TBL1X: variants seen among roughly 807,000 people sequenced by gnomAD.
The protein encoded by TBL1X is F-box-like/WD repeat-containing protein TBL1X.
A neutral mutation model predicts 50.7 loss-of-function variants in TBL1X; 10 were observed. The ratio of observed to expected loss-of-function variants is 0.20; its 90% confidence interval spans 0.12 to 0.33. The LOEUF is 0.33. Ranked by LOEUF, TBL1X falls within the 10% of genes least tolerant of loss-of-function variation. The pLI is 1.00. For synonymous variants in TBL1X, 190 were observed against 214.7 expected (o/e 0.88, Z 1.01); for missense variants, 340 against 504.4 (o/e 0.67, Z 3.12).
chrX:9,592,880 G>C (rs1055161119), intron 2 of TBL1X, among the ~76,000 whole-genome samples: 2 of 112,337 alleles, frequency 1.8e-5, no homozygotes, highest in Non-Finnish European at 3.8e-5. Flanking sequence ...TGTGAGTACA[G>C]TGCCCAGATT....
At chrX:9,615,691 G>A (rs1290414672) in intron 2 of TBL1X, among the ~76,000 whole-genome samples, 4 of 112,128 alleles carry the variant, frequency 3.6e-5, no homozygotes, top group African/African-American at 1.3e-4. Context: ...AATGATTAGA[G>A]GGAGTAGTGA....
At chrX:9,526,633 C>T (rs2082134073) in intron 2 of TBL1X, among the ~76,000 whole-genome samples, 1 of 111,796 alleles carries the variant, frequency 8.9e-6, no homozygotes, top group Non-Finnish European at 1.9e-5. Context: ...GATTTTGGGG[C>T]CAGTCTTGGC....
rs1160112191 is a variant in TBL1X, at chrX:9,716,526, G to A, written c.*280G>A. 1.2e-5 allele frequency: 3 copies of A among 242,078 alleles called. No homozygotes were observed. Among genetic ancestry groups the A allele is most frequent in the Non-Finnish European group, 2.2e-5 (3 of 137,157 alleles). 19.9% of individuals were successfully genotyped at this position (242,078 alleles called of 1,213,427 possible). A position where few individuals can be genotyped will look rare whatever the true frequency, so the allele number is the denominator to read the frequency against. On this transcript the variant is annotated 3_prime_UTR_variant, in exon 18 of 18. Coordinates refer to ENST00000645353, the MANE Select transcript of TBL1X (RefSeq NM_005647.4). ...AAGGAGGAAGTCACCAGCTCGAGGC[G>A]TGTGGATTGGTTTCCACCCGGAACA...
intron 2 of TBL1X, among the ~76,000 whole-genome samples, chrX:9,565,574 A>T (rs1490818988): frequency 3.6e-5 from 4 of 111,152 alleles, no homozygotes; most frequent in African/African-American, 1.3e-4. Flanking sequence ...TATGCCTGTA[A>T]TTACAACACT....
At chrX:9,577,116 CAATT>C (rs751309603) in intron 2 of TBL1X, among the ~76,000 whole-genome samples, 80 of 111,753 alleles carry the variant, frequency 7.2e-4, no homozygotes, top group Middle Eastern at 4.6e-3. Flanking sequence ...ATCTGCCCAT[CAATT>C]AGTCTTTTCC....
At chrX:9,578,980 G>A (rs965778818) in intron 2 of TBL1X, among the ~76,000 whole-genome samples, 2 of 111,664 alleles carry the variant, frequency 1.8e-5, no homozygotes, top group Non-Finnish European at 3.8e-5. Context: ...GGGGCCTTTG[G>A]ATCTATCTTA....
intron 1 of TBL1X, among the ~76,000 whole-genome samples, chrX:9,485,721 A>C (rs1402922922): frequency 9.0e-6 from 1 of 110,982 alleles, no homozygotes; most frequent in Non-Finnish European, 1.9e-5. Flanking sequence ...GCTAGTCATC[A>C]GGCTTGCCTT....
At chrX:9,527,172 C>T (rs2082136961) in intron 2 of TBL1X, among the ~76,000 whole-genome samples, 1 of 111,752 alleles carries the variant, frequency 8.9e-6, no homozygotes, top group African/African-American at 3.3e-5. Context: ...TAGGGTGGGC[C>T]GAGAGGGGGC....
intron 2 of TBL1X, among the ~76,000 whole-genome samples, chrX:9,579,759 C>T (rs781540390): frequency 9.0e-6 from 1 of 110,752 alleles, no homozygotes; most frequent in African/African-American, 3.3e-5. Flanking sequence ...CTTGTGACCC[C>T]CTTGACACAC....
chrX:9,577,975 C>G (rs1167083179), intron 2 of TBL1X, among the ~76,000 whole-genome samples: 1 of 112,309 alleles, frequency 8.9e-6, no homozygotes, highest in African/African-American at 3.2e-5. Context: ...AGGAGAGAAA[C>G]AGAAAACTCC....
chrX:9,557,501 C>T (rs952009924), intron 2 of TBL1X, among the ~76,000 whole-genome samples: 13 of 110,471 alleles, frequency 1.2e-4, no homozygotes, highest in Non-Finnish European at 2.3e-4. Flanking sequence ...GGACTGGCGT[C>T]TGATTGATGG....
intron 2 of TBL1X, among the ~76,000 whole-genome samples, chrX:9,547,629 T>G (rs1332124625): frequency 2.7e-5 from 3 of 111,000 alleles, no homozygotes; most frequent in Non-Finnish European, 3.8e-5. Flanking sequence ...CTCGTATCTG[T>G]GTCCTTTCTT....
chrX:9,652,666 G>A (rs2082842119), intron 3 of TBL1X, among the ~76,000 whole-genome samples: 1 of 111,180 alleles, frequency 9.0e-6, no homozygotes, highest in Non-Finnish European at 1.9e-5. Flanking sequence ...ACACCAGCCT[G>A]GGTAAAACCT....
intron 13 of TBL1X, among the ~76,000 whole-genome samples, chrX:9,708,105 G>T (rs1255036057): frequency 8.9e-6 from 1 of 111,894 alleles, no homozygotes; most frequent in South Asian, 3.7e-4. Flanking sequence ...ACCCCTGAGG[G>T]AGCCCCAAGC....
intron 5 of TBL1X, among the ~76,000 whole-genome samples, chrX:9,678,421 A>G (rs969657216): frequency 1.8e-5 from 2 of 112,307 alleles, no homozygotes; most frequent in Non-Finnish European, 3.8e-5. Context: ...ATTTACACAC[A>G]CTGGCAGTGA....
Position 9,697,359 on chromosome X carries a change from C to A in TBL1X, c.1054-10C>A, listed in dbSNP as rs368328125. 2.2e-5 allele frequency: 27 copies of A among 1,206,733 alleles called. No individual in the cohort carries two copies. Among genetic ancestry groups the A allele is most frequent in the Non-Finnish European group, 2.9e-5 (26 of 894,286 alleles). On this transcript the variant is annotated splice_polypyrimidine_tract_variant and intron_variant, in intron 11 of 17. Transcript: ENST00000645353. ...AGTTACTAACTTTTTCCTTTGTTTG[C>A]GGAACACAGACAACAATAATTTGGG...
intron 2 of TBL1X, among the ~76,000 whole-genome samples, chrX:9,618,561 C>A (rs949986381): frequency 9.0e-6 from 1 of 111,642 alleles, no homozygotes; most frequent in African/African-American, 3.3e-5. Flanking sequence ...CCCCTGTAAT[C>A]CCAGCTACTT....
At chrX:9,562,975 G>T (rs1426975456) in intron 2 of TBL1X, among the ~76,000 whole-genome samples, 3 of 112,059 alleles carry the variant, frequency 2.7e-5, no homozygotes, top group Admixed American at 1.9e-4. Flanking sequence ...TATGTCCTTG[G>T]CACTAGAATG....
intron 5 of TBL1X, among the ~76,000 whole-genome samples, chrX:9,659,237 A>G (rs754731438): frequency 5.8e-4 from 65 of 112,336 alleles, no homozygotes; most frequent in African/African-American, 2.1e-3. Context: ...GTCACCCTCA[A>G]AATTGCCTTG....
Sources: allele counts gnomAD v4.1 joint callset (sites outside exome capture counted in the v4.1 genomes callset), GRCh38; gene constraint gnomAD v4.1.1; transcripts MANE v1.5; gene names NCBI Gene and HGNC (gene_info 2026-07-23, HGNC 2026-07-21).